Variants in KCNMB2 observed in about 807,000 individuals in gnomAD.
The protein encoded by KCNMB2 is calcium-activated potassium channel subunit beta-2.
In KCNMB2, 9 loss-of-function variants were observed where a neutral mutation model predicts 24.5. The ratio of observed to expected loss-of-function variants is 0.37; its 90% confidence interval spans 0.22 to 0.64. The LOEUF (loss-of-function observed/expected upper bound fraction) is 0.64, where lower values mean the gene tolerates loss of function less well. Among genes scored for constraint, KCNMB2 ranks in the 30% least tolerant of loss-of-function variants. The pLI is 0.63. For synonymous variants in KCNMB2, 109 were observed against 104.4 expected (o/e 1.04, Z -0.27); for missense variants, 226 against 284.3 (o/e 0.79, Z 1.47).
chr3:178,734,060 G>A (rs1723240493), intron 1 of KCNMB2, among the ~76,000 whole-genome samples: 1 of 151,572 alleles, frequency 6.6e-6, no homozygotes, highest in South Asian at 2.1e-4. Flanking sequence ...ACATCTACAG[G>A]TTGAGTAGCC....
At chr3:178,722,276 A>G (rs761057665) in intron 1 of KCNMB2, among the ~76,000 whole-genome samples, 2 of 152,218 alleles carry the variant, frequency 1.3e-5, no homozygotes, top group Non-Finnish European at 2.9e-5. Flanking sequence ...TTGTTCCAAT[A>G]GCCTTGTTGA....
intron 1 of KCNMB2, among the ~76,000 whole-genome samples, chr3:178,690,362 T>C (rs2108328358): frequency 6.6e-6 from 1 of 151,050 alleles, no homozygotes; most frequent in Non-Finnish European, 1.5e-5. Context: ...GGGACAAAGG[T>C]TAGATATGCT....
intron 1 of KCNMB2, among the ~76,000 whole-genome samples, chr3:178,671,429 C>T (rs1720894640): frequency 6.6e-6 from 1 of 152,156 alleles, no homozygotes; most frequent in Non-Finnish European, 1.5e-5. Context: ...TACTGCCCAA[C>T]CTCTAGAGAG....
chr3:178,669,034 G>T (rs1720813341), intron 1 of KCNMB2, among the ~76,000 whole-genome samples: 1 of 152,098 alleles, frequency 6.6e-6, no homozygotes, highest in Admixed American at 6.6e-5. Flanking sequence ...CTTATGAGAA[G>T]AGAGAAGTAA....
Position 178,800,036 on chromosome 3 carries a change from T to C in KCNMB2, c.-67-7307T>C, listed in dbSNP as rs368398833. On this transcript the variant is annotated intron_variant, in intron 1 of 4. Coordinates refer to ENST00000452583, the MANE Select transcript of KCNMB2 (RefSeq NM_181361.3). ...TGTGCAAAAAACAAATCAAAATGGA[T>C]TAAAAACTTAAATCTAAGATCTCAA... Among the ~76,000 whole-genome samples, 50 of 152,150 alleles carry C rather than the reference T, an allele frequency of 3.3e-4. 1 individual carries two copies. The South Asian group carries it at 0.01, about 31-fold the overall frequency.
chr3:178,805,882 C>T (rs1713948585), intron 1 of KCNMB2, among the ~76,000 whole-genome samples: 1 of 152,116 alleles, frequency 6.6e-6, no homozygotes. Context: ...AAGCGATCCT[C>T]CCTACTAAGC....
At chr3:178,574,631 C>T (rs185469890) in intron 1 of KCNMB2, among the ~76,000 whole-genome samples, 2 of 152,270 alleles carry the variant, frequency 1.3e-5, no homozygotes, top group Admixed American at 6.5e-5. Flanking sequence ...GCCCTTGAGT[C>T]GAGTGCCCAG....
Position 178,554,680 on chromosome 3 carries a change from T to A in KCNMB2, c.-68+17969T>A, listed in dbSNP as rs1716066362. On this transcript the variant is annotated intron_variant, in intron 1 of 4. Transcript: ENST00000452583. ...TCCTCTCAAAAATAAAGAACTCAAGTTTGCATTATTTCTATGAAATAAGTA... is the reference window on the plus strand; with the variant it reads ...TCCTCTCAAAAATAAAGAACTCAAGATTGCATTATTTCTATGAAATAAGTA... Among the ~76,000 whole-genome samples the A allele has an allele frequency of 3.9e-5, 6 of 152,256 alleles. No homozygotes were observed. In the South Asian group the frequency reaches 1.2e-3, roughly 32 times the overall value.
intron 1 of KCNMB2, among the ~76,000 whole-genome samples, chr3:178,549,753 C>T (rs1715887429): frequency 1.3e-5 from 2 of 152,136 alleles, no homozygotes; most frequent in Non-Finnish European, 2.9e-5. Flanking sequence ...CTCATTGTCT[C>T]TTGTTTACGG....
chr3:178,601,071 A>G (rs1039302573), intron 1 of KCNMB2, among the ~76,000 whole-genome samples: 17 of 151,988 alleles, frequency 1.1e-4, no homozygotes, highest in Non-Finnish European at 2.2e-4. Flanking sequence ...AGAAACCATC[A>G]TTTTCAGCAA....
intron 1 of KCNMB2, among the ~76,000 whole-genome samples, chr3:178,601,533 C>T (rs868736015): frequency 6.6e-6 from 1 of 152,134 alleles, no homozygotes; most frequent in African/African-American, 2.4e-5. Flanking sequence ...CTGTCCACAG[C>T]TGACTCAGAA....
At chr3:178,710,639 T>A (rs992373908) in intron 1 of KCNMB2, among the ~76,000 whole-genome samples, 4 of 152,060 alleles carry the variant, frequency 2.6e-5, no homozygotes, top group African/African-American at 9.7e-5. Context: ...TGTGTGTGCG[T>A]GAGTGTGTGT....
intron 1 of KCNMB2, among the ~76,000 whole-genome samples, chr3:178,759,272 C>T (rs1480004121): frequency 8.7e-6 from 1 of 114,648 alleles, no homozygotes; most frequent in Non-Finnish European, 1.8e-5. Flanking sequence ...GAGACAGATA[C>T]ATATATATCT....
intron 1 of KCNMB2, among the ~76,000 whole-genome samples, chr3:178,555,523 T>G (rs1170932946): frequency 1.3e-5 from 2 of 152,206 alleles, no homozygotes; most frequent in African/African-American, 4.8e-5. Context: ...ATATAACACA[T>G]GTGCTCATAT....
At chr3:178,695,701 T>C (rs1258530858) in intron 1 of KCNMB2, among the ~76,000 whole-genome samples, 4 of 152,148 alleles carry the variant, frequency 2.6e-5, no homozygotes, top group East Asian at 1.9e-4. Flanking sequence ...CTGGATTTCA[T>C]TGTCTATATT....
chr3:178,676,742 TCAATATACTTGCATGCTA>T lies in KCNMB2; in HGVS notation c.-67-130598_-67-130581del, dbSNP rs11276597. 6.9e-3 allele frequency among the ~76,000 whole-genome samples: 1,046 copies of T among 152,164 alleles called. 12 individuals carry two copies. The highest frequency in any genetic ancestry group is 0.024 in the African/African-American group (981 of 41,498). On this transcript the variant is annotated intron_variant, in intron 1 of 4. Transcript: ENST00000452583. ...GGCACACGGACTTTAGGTAGCAGAG[TCAATATACTTGCATGCTA>T]CACAACTTTCTCATGTTTTGCCTGA...
intron 1 of KCNMB2, among the ~76,000 whole-genome samples, chr3:178,641,521 T>C (rs1189737368): frequency 6.6e-6 from 1 of 152,208 alleles, no homozygotes; most frequent in East Asian, 1.9e-4. Flanking sequence ...TATTAACCTT[T>C]TGTTCGGGGA....
chr3:178,652,438 C>T (rs1720157975), intron 1 of KCNMB2, among the ~76,000 whole-genome samples: 1 of 151,198 alleles, frequency 6.6e-6, no homozygotes, highest in African/African-American at 2.4e-5. Flanking sequence ...GCACGTTCTG[C>T]ACATGTACCC....
At chr3:178,578,758 A>G (rs1717088171) in intron 1 of KCNMB2, among the ~76,000 whole-genome samples, 1 of 152,238 alleles carries the variant, frequency 6.6e-6, no homozygotes, top group Non-Finnish European at 1.5e-5. Flanking sequence ...CTTTAAACTA[A>G]CAAAGATCAA....
Sources: gnomAD v4.1 joint callset for allele counts (sites outside exome capture counted in the v4.1 genomes callset) on GRCh38, gnomAD v4.1.1 for gene constraint, MANE v1.5 for transcripts, NCBI Gene and HGNC (gene_info 2026-07-23, HGNC 2026-07-21) for gene names.